The following MECOM variants were observed in gnomAD, a reference collection of about 807,000 sequenced individuals.
The protein encoded by MECOM is MDS1 and EVI1 complex locus.
In MECOM, 13 loss-of-function variants were observed where a neutral mutation model predicts 116.3. The ratio of observed to expected loss-of-function variants is 0.11; its 90% CI spans 0.07 to 0.18. MECOM has a LOEUF of 0.18. Among genes scored for constraint, MECOM ranks in the 10% least tolerant of loss-of-function variants. MECOM has a pLI of 1.00. For synonymous variants in MECOM, 528 were observed against 535.2 expected, an observed-to-expected ratio of 0.99 and a Z score of 0.19; for missense variants, 1,299 against 1,509.0, an observed-to-expected ratio of 0.86 and a Z score of 2.31.
chr3:169,452,149 G>A (rs1253464983), intron 1 of MECOM, among the ~76,000 whole-genome samples: 1 of 151,770 alleles, frequency 6.6e-6, no homozygotes, highest in East Asian at 1.9e-4. Flanking sequence ...AGATGCTTTG[G>A]TAAGCCGGGT....
intron 2 of MECOM, among the ~76,000 whole-genome samples, chr3:169,170,392 C>A (rs1292533952): frequency 1.9e-5 from 2 of 108,072 alleles, no homozygotes; most frequent in African/African-American, 8.1e-5. Context: ...AGCGACAGAG[C>A]AAGACTCTGT....
At chr3:169,352,531 G>A (rs1489165734) in intron 2 of MECOM, among the ~76,000 whole-genome samples, 1 of 151,758 alleles carries the variant, frequency 6.6e-6, no homozygotes, top group African/African-American at 2.4e-5. Context: ...TCTGAAACTT[G>A]TTGGGGGGAA....
chr3:169,127,734 T>G (rs1733354011), intron 5 of MECOM, 110 bp downstream of exon 5: 2 of 805,370 alleles, frequency 2.5e-6, no homozygotes, highest in African/African-American at 1.7e-5. Flanking sequence ...CGAGTGCATT[T>G]GTCCAGCTCA....
At chr3:169,340,751 A>G (rs1282750584) in intron 2 of MECOM, among the ~76,000 whole-genome samples, 1 of 152,244 alleles carries the variant, frequency 6.6e-6, no homozygotes, top group East Asian at 1.9e-4. Flanking sequence ...TGTATTTATG[A>G]TAATGAAAGT....
At position 169,255,350 on chromosome 3, in the gene MECOM, A is replaced by G. The variant is rs188528210; in HGVS notation, c.376-111518T>C. 2.0e-3 allele frequency among the ~76,000 whole-genome samples: 305 copies of G among 152,258 alleles called. 1 individual carries two copies. The highest frequency in any genetic ancestry group is 6.9e-3 in the African/African-American group (288 of 41,552). On this transcript the variant is annotated intron_variant, in intron 2 of 16. Coordinates refer to ENST00000651503, the MANE Select transcript of MECOM (RefSeq NM_004991.4). ...CTCTAAACTGGTTAAAAAACAATAC[A>G]AAACAAAACCTGGAGACTTCATTTT...
chr3:169,280,364 T>A (rs768218338), intron 2 of MECOM, among the ~76,000 whole-genome samples: 1 of 152,234 alleles, frequency 6.6e-6, no homozygotes, highest in Non-Finnish European at 1.5e-5. Context: ...CCTCACATAC[T>A]AATCCAACAA....
chr3:169,096,374 G>T (rs1014699343), intron 12 of MECOM, among the ~76,000 whole-genome samples: 3 of 151,632 alleles, frequency 2.0e-5, no homozygotes, highest in African/African-American at 7.3e-5. Flanking sequence ...GGGTTCAAGC[G>T]ATTCTCCTGC....
chr3:169,545,782 T>A (rs534501252), intron 1 of MECOM, among the ~76,000 whole-genome samples: 1 of 152,262 alleles, frequency 6.6e-6, no homozygotes, highest in Non-Finnish European at 1.5e-5. Context: ...CCCTTCCTCT[T>A]CCCTGACATG....
intron 1 of MECOM, among the ~76,000 whole-genome samples, chr3:169,577,985 G>A (rs956702435): frequency 1.3e-5 from 2 of 151,954 alleles, no homozygotes; most frequent in African/African-American, 4.8e-5. Context: ...GACAAATTAG[G>A]ATTAGTAAGC....
In MECOM at chr3:169,495,942, G is replaced by A. The variant is rs116320880; in HGVS notation, c.38-114418C>T. On this transcript the variant is annotated intron_variant, in intron 1 of 16. Coordinates refer to ENST00000651503, the MANE Select transcript of MECOM (RefSeq NM_004991.4). ...GGATCTCATGAGCTATACCTGTAAAGTCTTCAAAACAGTGCCTGACACATA... is the reference window on the plus strand; with the variant it reads ...GGATCTCATGAGCTATACCTGTAAAATCTTCAAAACAGTGCCTGACACATA... 5.7e-3 allele frequency among the ~76,000 whole-genome samples: 869 copies of A among 152,276 alleles called. 5 individuals carry two copies. The highest frequency in any genetic ancestry group is 0.014 in the Middle Eastern group (4 of 294).
At chr3:169,188,975 A>C (rs1747139900) in intron 2 of MECOM, among the ~76,000 whole-genome samples, 1 of 152,118 alleles carries the variant, frequency 6.6e-6, no homozygotes, top group Non-Finnish European at 1.5e-5. Context: ...GTTATGTCAC[A>C]TTTATATTTG....
intron 1 of MECOM, among the ~76,000 whole-genome samples, chr3:169,525,784 T>TA (rs1443287664): frequency 6.6e-6 from 1 of 152,168 alleles, no homozygotes; most frequent in Non-Finnish European, 1.5e-5. Context: ...ATCCTAGCAC[T>TA]TTGGGAGGCC....
At chr3:169,605,772 C>A (rs558500679) in intron 1 of MECOM, among the ~76,000 whole-genome samples, 3 of 152,262 alleles carry the variant, frequency 2.0e-5, no homozygotes, top group African/African-American at 7.2e-5. Flanking sequence ...CAGAGATTAT[C>A]ATTAATCTTA....
chr3:169,506,152 A>G (rs1578291429), intron 1 of MECOM, among the ~76,000 whole-genome samples: 1 of 152,266 alleles, frequency 6.6e-6, no homozygotes, highest in East Asian at 1.9e-4. Flanking sequence ...TTGCAGGCCG[A>G]TAAGCAATGG....
chr3:169,593,591 A>G (rs1261720109), intron 1 of MECOM, among the ~76,000 whole-genome samples: 1 of 152,198 alleles, frequency 6.6e-6, no homozygotes, highest in Non-Finnish European at 1.5e-5. Context: ...CTGAATCTCC[A>G]GGTAAGGTCC....
rs1000645254 is a variant in MECOM at position 169,549,859 on chromosome 3, C to T, written c.37+113477G>A. On this transcript the variant is annotated intron_variant, in intron 1 of 16. Transcript: ENST00000651503. ...TCTGGGATGTGGCGCTGTCCAGAAGCGGATTCAAAACTAATGTAAGAAATA... is the reference window on the plus strand; with the variant it reads ...TCTGGGATGTGGCGCTGTCCAGAAGTGGATTCAAAACTAATGTAAGAAATA... Among the ~76,000 whole-genome samples, 6 of 152,126 alleles carry T rather than the reference C, an allele frequency of 3.9e-5. No individual in the cohort carries two copies. In the South Asian group the frequency reaches 6.2e-4, roughly 16 times the overall value.
chr3:169,235,956 A>G (rs1485452524), intron 2 of MECOM, among the ~76,000 whole-genome samples: 1 of 151,670 alleles, frequency 6.6e-6, no homozygotes, highest in African/African-American at 2.4e-5. Context: ...GTCCAGAAAG[A>G]CACGCATTCA....
chr3:169,567,622 T>A (rs942314099), intron 1 of MECOM, among the ~76,000 whole-genome samples: 9 of 152,176 alleles, frequency 5.9e-5, no homozygotes, highest in Admixed American at 2.6e-4. Context: ...GCTTTGCCAG[T>A]AAAATCAAGC....
At chr3:169,142,166 C>T (rs1738300136) in intron 3 of MECOM, among the ~76,000 whole-genome samples, 2 of 151,868 alleles carry the variant, frequency 1.3e-5, no homozygotes, top group Admixed American at 6.6e-5. Flanking sequence ...ACACTACACA[C>T]ATAAATATTA....
Sources: gnomAD v4.1 joint callset for allele counts (sites outside exome capture counted in the v4.1 genomes callset) on GRCh38, gnomAD v4.1.1 for gene constraint, MANE v1.5 for transcripts, NCBI Gene and HGNC (gene_info 2026-07-23, HGNC 2026-07-21) for gene names.